The following FER variants were observed in gnomAD, a reference collection of about 807,000 sequenced individuals.
The protein encoded by FER is FER tyrosine kinase, also known as tyrosine-protein kinase Fer.
FER carries 63 observed loss-of-function variants against 111.0 expected under a neutral mutation model. The ratio of observed to expected loss-of-function variants is 0.57; its 90% CI spans 0.46 to 0.70. The LOEUF is 0.70. FER is among the 30% of genes least tolerant of loss of function. The pLI, the probability that FER is intolerant of heterozygous loss-of-function variation, is 0.00. For missense variants in FER, 914 were observed against 954.0 expected (o/e 0.96, Z 0.55); for synonymous variants, 327 against 313.9 (o/e 1.04, Z -0.44).
chr5:108,797,803 T>A (rs1756203813), intron 2 of FER, among the ~76,000 whole-genome samples: 1 of 152,242 alleles, frequency 6.6e-6, no homozygotes, highest in African/African-American at 2.4e-5. Flanking sequence ...GTCATTTATT[T>A]TAATGGTTTT....
chr5:108,998,051 G>A (rs1764225032), intron 13 of FER, among the ~76,000 whole-genome samples: 1 of 151,976 alleles, frequency 6.6e-6, no homozygotes, highest in Admixed American at 6.6e-5. Context: ...TTATGCCAGT[G>A]GATCTTAGCT....
At chr5:108,987,957 A>G (rs984093940) in intron 13 of FER, among the ~76,000 whole-genome samples, 1 of 151,798 alleles carries the variant, frequency 6.6e-6, no homozygotes, top group Non-Finnish European at 1.5e-5. Flanking sequence ...TATTACGTTA[A>G]GGTATATCCC....
At chr5:108,987,741 G>A (rs1255577628) in intron 13 of FER, among the ~76,000 whole-genome samples, 2 of 152,094 alleles carry the variant, frequency 1.3e-5, no homozygotes, top group African/African-American at 4.8e-5. Flanking sequence ...TTAGCAAACA[G>A]CAACAGTTTA....
chr5:109,055,451 C>T (rs1485730178), intron 16 of FER, among the ~76,000 whole-genome samples: 1 of 152,078 alleles, frequency 6.6e-6, no homozygotes, highest in East Asian at 1.9e-4. Context: ...ATAAAGAACT[C>T]ATACAACTCA....
Position 109,108,238 on chromosome 5 carries a change from G to C in FER, c.2048+7719G>C, listed in dbSNP as rs1749182781. On this transcript the variant is annotated intron_variant, in intron 17 of 19. Transcript: ENST00000281092. ...AATAGATTGAGCCACAAAAGAGTAA[G>C]TAACTTTTCTAATGTCACACAGCTA... 2.6e-5 allele frequency among the ~76,000 whole-genome samples: 4 copies of C among 152,254 alleles called. No individual in the cohort carries two copies. In the South Asian group the frequency reaches 8.3e-4, roughly 32 times the overall value.
chr5:108,871,215 T>C, intron 6 of FER, 150 bp from the exon 7 acceptor site: 1 of 522,650 alleles, frequency 1.9e-6, no homozygotes, highest in Non-Finnish European at 3.4e-6. Context: ...TCTTCTTTAC[T>C]CTCCAGGTAT....
intron 18 of FER, among the ~76,000 whole-genome samples, chr5:109,185,238 A>G: frequency 6.6e-6 from 1 of 152,210 alleles, no homozygotes; most frequent in Admixed American, 6.5e-5. Context: ...TAGCTCAGTA[A>G]AACAGGTGCA....
intron 10 of FER, among the ~76,000 whole-genome samples, chr5:108,934,745 T>C (rs1050725032): frequency 6.6e-6 from 1 of 152,124 alleles, no homozygotes; most frequent in Admixed American, 6.5e-5. Flanking sequence ...GCTGTAAATG[T>C]TGCTGTACAG....
intron 9 of FER, among the ~76,000 whole-genome samples, chr5:108,892,900 C>G (rs911232848): frequency 5.3e-5 from 8 of 152,170 alleles, no homozygotes; most frequent in African/African-American, 1.9e-4. Flanking sequence ...AGCCAGTTTT[C>G]CCAGCACCAT....
chr5:109,005,562 T>C (rs1459413711), intron 13 of FER, among the ~76,000 whole-genome samples: 1 of 152,176 alleles, frequency 6.6e-6, no homozygotes. Context: ...CATATGCACA[T>C]ATACAAGATA....
chr5:109,009,459 T>C (rs916201491), intron 13 of FER, among the ~76,000 whole-genome samples: 2 of 152,200 alleles, frequency 1.3e-5, no homozygotes, highest in African/African-American at 4.8e-5. Flanking sequence ...CCTCTACCCC[T>C]GACCACCTTA....
At position 108,883,472 on chromosome 5, in the gene FER, G is replaced by A; in HGVS notation, c.1000G>A (p.Glu334Lys). 1 of 1,608,804 alleles carries A rather than the reference G, an allele frequency of 6.2e-7. No individual in the cohort carries two copies. The highest frequency in any genetic ancestry group is 8.5e-7 in the Non-Finnish European group (1 of 1,176,620). ...CAAGGAGGAGGCTGTTTTGGAGTTA[G>A]AGAAGAGAATTGAAGAATCTTCTGA... ...LNKEEAVLEL[E>K]KRIEESSETC... Residue 334 changes from glutamate to lysine, a missense_variant, in exon 9 of 20, where the codon GAG (glutamate) becomes AAG (lysine). Physicochemically the swap from Glu to Lys is moderately conservative, Grantham distance 56 (BLOSUM62 1). Transcript: ENST00000281092.
At chr5:108,846,440 A>C (rs1762033500) in intron 5 of FER, among the ~76,000 whole-genome samples, 1 of 152,126 alleles carries the variant, frequency 6.6e-6, no homozygotes, top group Non-Finnish European at 1.5e-5. Flanking sequence ...AAAAAAAAGA[A>C]AAATGAGGCT....
At chr5:108,875,983 T>C (rs1472442161) in intron 8 of FER, among the ~76,000 whole-genome samples, 1 of 152,216 alleles carries the variant, frequency 6.6e-6, no homozygotes, top group Non-Finnish European at 1.5e-5. Context: ...TCAGGCCTTA[T>C]GATTTCAAGT....
At chr5:108,865,032 A>T (rs924205929) in intron 5 of FER, among the ~76,000 whole-genome samples, 1 of 152,002 alleles carries the variant, frequency 6.6e-6, no homozygotes. Flanking sequence ...CTTTTATTTC[A>T]TTGAGCAGTG....
At chr5:109,034,711 C>G (rs1039210026) in intron 13 of FER, among the ~76,000 whole-genome samples, 2 of 151,930 alleles carry the variant, frequency 1.3e-5, no homozygotes, top group African/African-American at 4.8e-5. Flanking sequence ...ACATTTCAAC[C>G]TATTTTTTCA....
intron 10 of FER, among the ~76,000 whole-genome samples, chr5:108,924,122 C>T (rs149766583): frequency 0.016 from 2,426 of 151,874 alleles, 53 homozygotes; most frequent in African/African-American, 0.056. Context: ...TTTGGGAGGC[C>T]GAGGCGGGCG....
chr5:108,762,584 A>C (rs868781878), intron 1 of FER, among the ~76,000 whole-genome samples: 11 of 152,214 alleles, frequency 7.2e-5, no homozygotes, highest in African/African-American at 2.4e-4. Flanking sequence ...TCAAGTCCTT[A>C]AAATGAGCTA....
chr5:108,831,198 A>G (rs1760008691), intron 3 of FER, among the ~76,000 whole-genome samples: 2 of 152,198 alleles, frequency 1.3e-5, no homozygotes, highest in South Asian at 4.1e-4. Flanking sequence ...AGTTATTGCT[A>G]CAAAGCACTT....
Sources: allele counts gnomAD v4.1 joint callset (sites outside exome capture counted in the v4.1 genomes callset), GRCh38; gene constraint gnomAD v4.1.1; transcripts MANE v1.5; gene names NCBI Gene and HGNC (gene_info 2026-07-23, HGNC 2026-07-21).